VSNL1: variants seen among roughly 807,000 people sequenced by gnomAD.
VSNL1 encodes the protein visinin like 1, also known as visinin-like protein 1.
Under a neutral mutation model 20.4 loss-of-function variants are expected in VSNL1, and 6 were observed. The observed-to-expected ratio is 0.29, with a 90% CI of 0.16 to 0.58. VSNL1 has a LOEUF of 0.58. VSNL1 is among the 20% of genes least tolerant of loss of function. The pLI is 0.90. For synonymous variants in VSNL1, 93 were observed against 86.4 expected (o/e 1.08, Z -0.42); for missense variants, 100 against 234.5 (o/e 0.43, Z 3.75).
chr2:17,607,194 G>A (rs1029365952), intron 2 of VSNL1, among the ~76,000 whole-genome samples: 1 of 152,180 alleles, frequency 6.6e-6, no homozygotes, highest in Non-Finnish European at 1.5e-5. Context: ...TGAGCCAGGA[G>A]GCCCTGAACT....
At chr2:17,551,576 T>A (rs1663537157) in intron 1 of VSNL1, among the ~76,000 whole-genome samples, 1 of 152,160 alleles carries the variant, frequency 6.6e-6, no homozygotes, top group East Asian at 1.9e-4. Flanking sequence ...GATTCATTCT[T>A]AAAACAAGAG....
chr2:17,550,289 A>G (rs1186553025), intron 1 of VSNL1, among the ~76,000 whole-genome samples: 2 of 152,204 alleles, frequency 1.3e-5, no homozygotes, highest in African/African-American at 2.4e-5. Flanking sequence ...TGATAGATCT[A>G]TGATAACTAG....
chr2:17,552,403 C>T (rs1205990356), intron 1 of VSNL1, among the ~76,000 whole-genome samples: 1 of 152,024 alleles, frequency 6.6e-6, no homozygotes, highest in Non-Finnish European at 1.5e-5. Flanking sequence ...TGTTCAAACC[C>T]AAAACCCTCT....
Position 17,634,799 on chromosome 2 carries a change from G to A in VSNL1, c.163-14611G>A, listed in dbSNP as rs941978587. On this transcript the variant is annotated intron_variant, in intron 2 of 3. Coordinates refer to ENST00000295156, the MANE Select transcript of VSNL1 (RefSeq NM_003385.5). The surrounding 1 kb of genome is among the most constrained non-coding windows in gnomAD (Gnocchi z 4.3). ...TCCATCCCACCCACTTCGTGCTCTG[G>A]TGCTGCTTCCACTTTCTCCTGGAAC... is the stretch of plus-strand genomic sequence containing the variant. Among the ~76,000 whole-genome samples, 13 of 152,114 alleles carry A rather than the reference G, an allele frequency of 8.5e-5. 1 individual carries two copies. The highest frequency in any genetic ancestry group is 3.1e-4 in the African/African-American group (13 of 41,414).
chr2:17,622,165 C>T (rs1390681977), intron 2 of VSNL1, among the ~76,000 whole-genome samples: 2 of 149,732 alleles, frequency 1.3e-5, no homozygotes, highest in Non-Finnish European at 3.0e-5. Context: ...GCTCATCCTA[C>T]AAATTTTACC....
Position 17,625,060 on chromosome 2 carries a change from G to A in VSNL1, c.163-24350G>A, listed in dbSNP as rs200420298. ...GGGCAGTCTCCCCCATACTGTTCTT[G>A]TGGTGGTGAATAAGTCTCACGAGCT... On this transcript the variant is annotated intron_variant, in intron 2 of 3. Coordinates refer to ENST00000295156, the MANE Select transcript of VSNL1 (RefSeq NM_003385.5). Among the ~76,000 whole-genome samples the A allele has an allele frequency of 3.9e-5, 6 of 152,128 alleles. No homozygotes were observed. In the East Asian group the frequency reaches 7.7e-4, roughly 20 times the overall value.
In VSNL1 at chr2:17,613,935, C is replaced by T. The variant is rs547926823; in HGVS notation, c.162+21699C>T. 7.0e-4 allele frequency among the ~76,000 whole-genome samples: 106 copies of T among 152,272 alleles called. 1 individual carries two copies. The highest frequency in any genetic ancestry group is 2.7e-3 in the Admixed American group (41 of 15,292). ...GTCAAGAGGAGAGAGATAGACAGTT[C>T]GCTGTATTAGGCAAATTGTGCTCAG... On this transcript the variant is annotated intron_variant, in intron 2 of 3. Coordinates refer to ENST00000295156, the MANE Select transcript of VSNL1 (RefSeq NM_003385.5).
At chr2:17,570,248 A>G (rs1664048989) in intron 1 of VSNL1, among the ~76,000 whole-genome samples, 1 of 152,228 alleles carries the variant, frequency 6.6e-6, no homozygotes, top group African/African-American at 2.4e-5. Flanking sequence ...ATCATTTATG[A>G]GACTCCCTAC....
chr2:17,655,115 C>A lies in VSNL1; in HGVS notation c.379-82C>A. The A allele has an allele frequency of 1.4e-6, 2 of 1,419,544 alleles. No homozygotes were observed. The highest frequency in any genetic ancestry group is 2.3e-5 in the East Asian group (1 of 43,340). The allele number at this position is 1,419,544 out of a possible 1,614,324, so 87.9% of individuals were successfully genotyped here. A position where few individuals can be genotyped will look rare whatever the true frequency, so the allele number is the denominator to read the frequency against. On this transcript the variant is annotated intron_variant, in intron 3 of 3. Coordinates refer to ENST00000295156, the MANE Select transcript of VSNL1 (RefSeq NM_003385.5). This position sits in a 1 kb window ranked among gnomAD's most constrained non-coding sequence, Gnocchi z 5.2. ...GAGGCTTGGAGGATGGGTGGGATCC[C>A]GTCAGGTGAAAGGGAGGCAAGAAGA...
intron 1 of VSNL1, among the ~76,000 whole-genome samples, chr2:17,590,369 C>A (rs1664571246): frequency 6.6e-6 from 1 of 152,130 alleles, no homozygotes; most frequent in African/African-American, 2.4e-5. Flanking sequence ...CACCTGAGTA[C>A]CCACTTGATT....
At chr2:17,631,753 G>T (rs1386245589) in intron 2 of VSNL1, among the ~76,000 whole-genome samples, 1 of 152,218 alleles carries the variant, frequency 6.6e-6, no homozygotes, top group East Asian at 1.9e-4. Flanking sequence ...GACCTAAAAG[G>T]TTTTCATGAC....
chr2:17,618,784 T>A (rs1327231211), intron 2 of VSNL1, among the ~76,000 whole-genome samples: 1 of 152,210 alleles, frequency 6.6e-6, no homozygotes, highest in Admixed American at 6.5e-5. Flanking sequence ...GATGCCTTAA[T>A]TATCCACATT....
chr2:17,655,364 A>G lies in VSNL1; in HGVS notation c.546A>G (p.Val182=). The change falls in exon 4 of 4, where the codon GTA becomes GTG. Residue 182 remains valine (V), a synonymous_variant. Transcript: ENST00000295156. This position sits in a 1 kb window ranked among gnomAD's most constrained non-coding sequence, Gnocchi z 5.2. The stretch of plus-strand genomic sequence containing the variant: ...CTGCAAAGAGCGACCCTTCCATTGT[A>G]TTACTTCTGCAGTGCGACATCCAGA... ...KEAAKSDPSI[V]LLLQCDIQK The G allele has an allele frequency of 1.2e-6, 2 of 1,612,716 alleles. No homozygotes were observed. The highest frequency in any genetic ancestry group is 1.7e-6 in the Non-Finnish European group (2 of 1,179,292).
intron 3 of VSNL1, among the ~76,000 whole-genome samples, chr2:17,654,408 C>G (rs1054559093): frequency 6.6e-6 from 1 of 152,182 alleles, no homozygotes; most frequent in African/African-American, 2.4e-5. Context: ...GGTTGTCTTA[C>G]TAGATTCTAA....
chr2:17,656,192 CT>C lies in VSNL1; in HGVS notation c.*799del, dbSNP rs1434904418. On this transcript the variant is annotated 3_prime_UTR_variant, in exon 4 of 4. Coordinates refer to ENST00000295156, the MANE Select transcript of VSNL1 (RefSeq NM_003385.5). ...AAATTTATAACAATTGATTTTCCCC[CT>C]AATTCTTATTTTATAATTTTAAAAT... The C allele has an allele frequency of 7.2e-5, 11 of 152,146 alleles. No homozygotes were observed. Among genetic ancestry groups the C allele is most frequent in the Admixed American group, 3.9e-4 (6 of 15,266 alleles). 9.4% of individuals were successfully genotyped at this position (152,146 alleles called of 1,614,324 possible). A position where few individuals can be genotyped will look rare whatever the true frequency, so the allele number is the denominator to read the frequency against.
chr2:17,634,112 G>A lies in VSNL1; in HGVS notation c.163-15298G>A, dbSNP rs144988230. ...CAGAGTGGCTTTCATCCTGGAGTGT[G>A]GGGGAGAAGGTGGAGGAGGGCATCA... On this transcript the variant is annotated intron_variant, in intron 2 of 3. Coordinates refer to ENST00000295156, the MANE Select transcript of VSNL1 (RefSeq NM_003385.5). This position sits in a 1 kb window ranked among gnomAD's most constrained non-coding sequence, Gnocchi z 4.3. 6.4e-3 allele frequency among the ~76,000 whole-genome samples: 971 copies of A among 152,236 alleles called. 36 individuals are homozygous for A. Among genetic ancestry groups the A allele is most frequent in the Admixed American group, 0.045 (683 of 15,286 alleles).
In VSNL1 at chr2:17,628,361, G is replaced by A. The variant is rs542166631; in HGVS notation, c.163-21049G>A. 4.4e-4 allele frequency among the ~76,000 whole-genome samples: 67 copies of A among 152,290 alleles called. 1 individual carries two copies. Among genetic ancestry groups the A allele is most frequent in the African/African-American group, 1.5e-3 (63 of 41,554 alleles). ...TTTTTCTGTCTGATATATAGTGTAG[G>A]GAGGAGGGAGTGCATGATAAAAGCT... is the stretch of plus-strand genomic sequence containing the variant. On this transcript the variant is annotated intron_variant, in intron 2 of 3. Coordinates refer to ENST00000295156, the MANE Select transcript of VSNL1 (RefSeq NM_003385.5).
chr2:17,599,748 A>G (rs1018851145), intron 2 of VSNL1, among the ~76,000 whole-genome samples: 1 of 152,224 alleles, frequency 6.6e-6, no homozygotes, highest in Non-Finnish European at 1.5e-5. Context: ...ACTTTAAGCC[A>G]TAGAGGTTGG....
chr2:17,626,547 C>T (rs941479982), intron 2 of VSNL1, among the ~76,000 whole-genome samples: 3 of 152,170 alleles, frequency 2.0e-5, no homozygotes, highest in Non-Finnish European at 2.9e-5. Flanking sequence ...AGGGGAAGCA[C>T]TCCCCAACCC....
Sources: gnomAD v4.1 joint callset for allele counts (sites outside exome capture counted in the v4.1 genomes callset) on GRCh38, gnomAD v4.1.1 for gene constraint, Gnocchi (gnomAD v3.1) non-coding constraint, MANE v1.5 for transcripts, NCBI Gene and HGNC (gene_info 2026-07-23, HGNC 2026-07-21) for gene names.